Variants in LRBA observed in about 807,000 individuals in gnomAD.
The protein encoded by LRBA is lipopolysaccharide-responsive and beige-like anchor protein.
A neutral mutation model predicts 330.0 loss-of-function variants in LRBA; 176 were observed. The ratio of observed to expected loss-of-function variants is 0.53; its 90% confidence interval spans 0.47 to 0.60. The LOEUF is 0.60. LRBA is among the 20% of genes least tolerant of loss of function. The probability of loss-of-function intolerance (pLI) is 0.00; values close to 1 mark genes in which losing one functional copy is unlikely to be tolerated. For missense variants in LRBA, 3,259 were observed against 3,444.8 expected (o/e 0.95, Z 1.35); for synonymous variants, 1,230 against 1,193.0 (o/e 1.03, Z -0.64).
At chr4:150,565,769 T>C (rs777474457) in intron 40 of LRBA, among the ~76,000 whole-genome samples, 3 of 152,058 alleles carry the variant, frequency 2.0e-5, no homozygotes, top group Non-Finnish European at 4.4e-5. Flanking sequence ...AAATATTTTA[T>C]AGTGTGAAAT....
intron 47 of LRBA, among the ~76,000 whole-genome samples, chr4:150,391,743 T>C (rs992794244): frequency 6.6e-6 from 1 of 152,154 alleles, no homozygotes; most frequent in Non-Finnish European, 1.5e-5. Flanking sequence ...AGTGATACCA[T>C]GTGCCAGGTA....
chr4:150,639,860 TATATATATATATTTA>T (rs1561458446), intron 37 of LRBA, among the ~76,000 whole-genome samples: 1 of 83,908 alleles, frequency 1.2e-5, no homozygotes, highest in Non-Finnish European at 2.3e-5. Flanking sequence ...TATATATATA[TATATATATATATTTA>T]GATGGAGTTT....
At chr4:150,286,787 TC>T (rs1748178696) in intron 53 of LRBA, among the ~76,000 whole-genome samples, 1 of 152,196 alleles carries the variant, frequency 6.6e-6, no homozygotes, top group Non-Finnish European at 1.5e-5. Context: ...TGTATGTCTG[TC>T]CCAAACTAAA....
At chr4:150,802,973 GATCGCACC>G in intron 33 of LRBA, among the ~76,000 whole-genome samples, 1 of 135,562 alleles carries the variant, frequency 7.4e-6, no homozygotes, top group South Asian at 2.4e-4. Flanking sequence ...AGTGAGCCAA[GATCGCACC>G]ACTGCACTCC....
intron 40 of LRBA, among the ~76,000 whole-genome samples, chr4:150,567,749 T>C (rs867641597): frequency 1.1e-4 from 16 of 152,196 alleles, no homozygotes; most frequent in Admixed American, 2.0e-4. Flanking sequence ...AGAAATGTCA[T>C]ACTGTAAATT....
intron 47 of LRBA, among the ~76,000 whole-genome samples, chr4:150,366,453 T>C (rs1352168188): frequency 1.3e-5 from 2 of 152,190 alleles, no homozygotes; most frequent in East Asian, 1.9e-4. Flanking sequence ...AATCTAAGCA[T>C]TTAAATTTTT....
intron 22 of LRBA, among the ~76,000 whole-genome samples, chr4:150,858,964 C>A (rs188411889): frequency 1.3e-5 from 2 of 152,032 alleles, no homozygotes; most frequent in African/African-American, 2.4e-5. Flanking sequence ...TTAGAGAATT[C>A]TTTAAAAAAA....
At chr4:150,527,780 A>G (rs766838827) in intron 40 of LRBA, among the ~76,000 whole-genome samples, 6 of 152,184 alleles carry the variant, frequency 3.9e-5, no homozygotes, top group East Asian at 1.9e-4. Context: ...AGAGCCCACA[A>G]TGAAAGAATT....
chr4:150,460,486 C>G (rs1347575657), intron 44 of LRBA, among the ~76,000 whole-genome samples: 1 of 151,828 alleles, frequency 6.6e-6, no homozygotes, highest in Non-Finnish European at 1.5e-5. Flanking sequence ...TGGATCCAAA[C>G]TAGGGCAATG....
intron 17 of LRBA, among the ~76,000 whole-genome samples, chr4:150,887,992 A>G (rs1404518278): frequency 1.3e-5 from 2 of 152,036 alleles, no homozygotes; most frequent in Non-Finnish European, 2.9e-5. Flanking sequence ...TAAAAAACAA[A>G]AACCTAAAGA....
chr4:150,702,521 T>C (rs748240968), intron 36 of LRBA, among the ~76,000 whole-genome samples: 21 of 152,172 alleles, frequency 1.4e-4, no homozygotes, highest in Middle Eastern at 3.4e-3. Context: ...AGAATAAAAA[T>C]ATTACAAGCT....
chr4:150,905,636 A>C lies in LRBA; in HGVS notation c.1755+202T>G, dbSNP rs1201213. Among the ~76,000 whole-genome samples the C allele has an allele frequency of 0.96, 145,761 of 152,020 alleles. 70,168 individuals are homozygous for C. Among genetic ancestry groups the C allele is most frequent in the Non-Finnish European group, 1 (67,917 of 67,976 alleles). ...TATTCTTTGTATGTATGTATATATT[A>C]TTTGTATATATTCATACACACACAC... On this transcript the variant is annotated intron_variant, in intron 13 of 56. Coordinates refer to ENST00000651943, the MANE Select transcript of LRBA (RefSeq NM_001364905.1).
intron 36 of LRBA, chr4:150,721,184 G>T: frequency 1.9e-6 from 1 of 539,812 alleles, no homozygotes; most frequent in South Asian, 1.8e-5. Context: ...TAGATACCAG[G>T]ACTGTGGAGC....
intron 34 of LRBA, among the ~76,000 whole-genome samples, chr4:150,791,317 G>A (rs1392687815): frequency 1.3e-5 from 2 of 152,128 alleles, no homozygotes; most frequent in Admixed American, 6.5e-5. Context: ...GTCAGATAGT[G>A]AGAGTTGATC....
chr4:150,777,235 T>C (rs913142765), intron 34 of LRBA, among the ~76,000 whole-genome samples: 1 of 152,024 alleles, frequency 6.6e-6, no homozygotes, highest in African/African-American at 2.4e-5. Flanking sequence ...TTGGGAATAT[T>C]GGTATGAGCC....
At chr4:150,589,689 G>A (rs1345746881) in intron 39 of LRBA, among the ~76,000 whole-genome samples, 3 of 152,052 alleles carry the variant, frequency 2.0e-5, no homozygotes, top group Admixed American at 2.0e-4. Context: ...TATTAGTGTG[G>A]ATTACTTCTT....
At chr4:150,375,622 A>T (rs1246783871) in intron 47 of LRBA, among the ~76,000 whole-genome samples, 4 of 143,402 alleles carry the variant, frequency 2.8e-5, no homozygotes, top group Non-Finnish European at 3.0e-5. Context: ...CCACACCTGT[A>T]TTTTTTTTTT....
intron 2 of LRBA, among the ~76,000 whole-genome samples, chr4:150,955,809 T>G (rs1023804158): frequency 2.7e-5 from 4 of 147,754 alleles, no homozygotes; most frequent in Non-Finnish European, 5.9e-5. Flanking sequence ...GGAGAATCAC[T>G]TGAACCCGGG....
intron 40 of LRBA, among the ~76,000 whole-genome samples, chr4:150,494,160 C>A (rs906898886): frequency 6.6e-6 from 1 of 152,094 alleles, no homozygotes; most frequent in African/African-American, 2.4e-5. Context: ...AAGTTAGTGG[C>A]AGAAAATGGC....
Sources: gnomAD v4.1 joint callset for allele counts (sites outside exome capture counted in the v4.1 genomes callset) on GRCh38, gnomAD v4.1.1 for gene constraint, MANE v1.5 for transcripts, NCBI Gene and HGNC (gene_info 2026-07-23, HGNC 2026-07-21) for gene names.